PHKB: variants seen among roughly 807,000 people sequenced by gnomAD.
The protein encoded by PHKB is phosphorylase kinase regulatory subunit beta.
Under a neutral mutation model 152.1 loss-of-function variants are expected in PHKB, and 122 were observed. The ratio of observed to expected loss-of-function variants is 0.80; its 90% CI spans 0.69 to 0.93. The LOEUF is 0.93. Among genes scored for constraint, PHKB ranks in the 40% least tolerant of loss-of-function variants. The pLI, the probability that PHKB is intolerant of heterozygous loss-of-function variation, is 0.00. For synonymous variants in PHKB, 436 were observed against 464.9 expected (o/e 0.94, Z 0.80); for missense variants, 1,304 against 1,328.4 (o/e 0.98, Z 0.29).
chr16:47,631,115 T>C (rs961094515), intron 14 of PHKB, among the ~76,000 whole-genome samples: 2 of 152,188 alleles, frequency 1.3e-5, no homozygotes, highest in Admixed American at 1.3e-4. Context: ...CCAATCCATA[T>C]GATAAATCTC....
At chr16:47,529,970 T>G (rs1338596265) in intron 6 of PHKB, 2 of 152,114 alleles carry the variant, frequency 1.3e-5, no homozygotes, top group Admixed American at 1.3e-4. Context: ...TAAAACATAT[T>G]TGGCAAAGAA....
chr16:47,664,938 C>T lies in PHKB; in HGVS notation c.2390C>T (p.Ala797Val), dbSNP rs770258511. Residue 797 changes from alanine to valine, a missense_variant, in exon 25 of 31, where the codon GCC becomes GTC. By Grantham distance (64) the Ala-to-Val change is moderately conservative. Coordinates refer to ENST00000323584, the MANE Select transcript of PHKB (RefSeq NM_000293.3). ...AFTQKFSSSI[A>V]PHITTFLVHG... ...ACCCAGAAATTTTCTTCCTCTATAGCCCCACACATTACTACTTTTCTGGTA... is the reference window on the plus strand; with the variant it reads ...ACCCAGAAATTTTCTTCCTCTATAGTCCCACACATTACTACTTTTCTGGTA... 1.1e-5 allele frequency: 18 copies of T among 1,613,326 alleles called. No homozygotes were observed. The highest frequency in any genetic ancestry group is 1.4e-5 in the Non-Finnish European group (16 of 1,179,356).
Position 47,515,563 on chromosome 16 carries a change from AT to A in PHKB, c.559del (p.Ser187ProfsTer55), listed in dbSNP as rs776004466. 6.6e-7 allele frequency: 1 copy of A among 1,507,764 alleles called. No individual in the cohort carries two copies. The highest frequency in any genetic ancestry group is 1.1e-5 in the South Asian group (1 of 88,840). 93.4% of individuals were successfully genotyped at this position (1,507,764 alleles called of 1,614,324 possible). On this transcript the variant is annotated frameshift_variant, in exon 6 of 31. Coordinates refer to ENST00000323584, the MANE Select transcript of PHKB (RefSeq NM_000293.3). LOFTEE classifies it high-confidence loss of function. ...SLYLLYLVEM[I>X]SSGLQIIYNT... ...TTATCTCCTTTACCTTGTGGAAATG[AT>A]TTCCTCAGGACTCCAGATTATCTAC...
At chr16:47,539,034 A>G (rs1387785416) in intron 6 of PHKB, among the ~76,000 whole-genome samples, 1 of 152,222 alleles carries the variant, frequency 6.6e-6, no homozygotes, top group Non-Finnish European at 1.5e-5. Context: ...ACTAAATTTC[A>G]AACCCTGTAA....
intron 26 of PHKB, among the ~76,000 whole-genome samples, chr16:47,684,401 T>C (rs1471001899): frequency 1.3e-5 from 2 of 152,232 alleles, no homozygotes; most frequent in East Asian, 1.9e-4. Context: ...TTTCATATTG[T>C]ACTCCTTAAT....
intron 25 of PHKB, chr16:47,665,966 T>C: frequency 6.2e-7 from 1 of 1,613,996 alleles, no homozygotes; most frequent in South Asian, 1.1e-5. Context: ...GTGCAGCAAG[T>C]CTTTTAAGTA....
chr16:47,539,822 G>A (rs1971020006), intron 6 of PHKB, among the ~76,000 whole-genome samples: 1 of 152,082 alleles, frequency 6.6e-6, no homozygotes, highest in Admixed American at 6.6e-5. Flanking sequence ...GTCTTTGTAA[G>A]CTGAGGACGT....
chr16:47,584,203 T>G lies in PHKB; in HGVS notation c.775-3465T>G, dbSNP rs114758141. On this transcript the variant is annotated intron_variant, in intron 8 of 30. Coordinates refer to ENST00000323584, the MANE Select transcript of PHKB (RefSeq NM_000293.3). ...AAGCCAATTTGGGGCAGAGCTACAT[T>G]TAGAAACATATATAATCCTCAATAT... is the stretch of plus-strand genomic sequence containing the variant. Among the ~76,000 whole-genome samples, 180 of 152,220 alleles carry G rather than the reference T, an allele frequency of 1.2e-3. 1 individual carries two copies. The highest frequency in any genetic ancestry group is 4.2e-3 in the African/African-American group (174 of 41,566).
intron 6 of PHKB, among the ~76,000 whole-genome samples, chr16:47,545,270 T>C (rs1971139446): frequency 6.6e-6 from 1 of 152,226 alleles, no homozygotes; most frequent in South Asian, 2.1e-4. Context: ...CTTCAGGAGC[T>C]CTTGTAAGGC....
chr16:47,517,485 G>C (rs1970618063), intron 6 of PHKB, among the ~76,000 whole-genome samples: 1 of 151,942 alleles, frequency 6.6e-6, no homozygotes, highest in Non-Finnish European at 1.5e-5. Flanking sequence ...TCGATCTCCT[G>C]GGCTCAAGCA....
intron 5 of PHKB, among the ~76,000 whole-genome samples, chr16:47,514,197 G>A (rs973634809): frequency 1.3e-5 from 2 of 150,012 alleles, no homozygotes; most frequent in African/African-American, 2.4e-5. Context: ...CTAATAGGTG[G>A]AGGAGAGGAG....
chr16:47,626,745 A>AT (rs1233548189), intron 14 of PHKB, among the ~76,000 whole-genome samples: 2 of 152,144 alleles, frequency 1.3e-5, no homozygotes, highest in Non-Finnish European at 2.9e-5. Context: ...GTGGATTATG[A>AT]TTTTATCAAG....
At chr16:47,535,620 T>G (rs1222059888) in intron 6 of PHKB, among the ~76,000 whole-genome samples, 1 of 152,200 alleles carries the variant, frequency 6.6e-6, no homozygotes, top group Non-Finnish European at 1.5e-5. Context: ...TTATACAATA[T>G]AAGTCCCGCT....
chr16:47,516,084 C>T (rs537924239), intron 6 of PHKB, among the ~76,000 whole-genome samples: 8 of 152,130 alleles, frequency 5.3e-5, no homozygotes, highest in East Asian at 3.9e-4. Context: ...TGTGCCACTA[C>T]GCCTGGCTAA....
At chr16:47,520,876 CATTT>C (rs1372318905) in intron 6 of PHKB, among the ~76,000 whole-genome samples, 2 of 152,080 alleles carry the variant, frequency 1.3e-5, no homozygotes, top group Non-Finnish European at 2.9e-5. Context: ...GATTAAGTCT[CATTT>C]ATCTAATTTT....
chr16:47,632,819 G>T (rs1451811968), intron 14 of PHKB, among the ~76,000 whole-genome samples: 1 of 152,174 alleles, frequency 6.6e-6, no homozygotes, highest in East Asian at 1.9e-4. Context: ...GCCCCCAGCT[G>T]CAAATATCCT....
intron 2 of PHKB, 89 bp from the exon 3 acceptor site, chr16:47,499,667 G>A: frequency 2.0e-6 from 3 of 1,480,166 alleles, no homozygotes; most frequent in South Asian, 1.1e-5. Flanking sequence ...GTCAGAAGTG[G>A]GATGAGGAAA....
chr16:47,594,963 C>T (rs1972092568), intron 12 of PHKB, among the ~76,000 whole-genome samples: 1 of 152,076 alleles, frequency 6.6e-6, no homozygotes, highest in South Asian at 2.1e-4. Flanking sequence ...AGAGTAAATA[C>T]TTAATATTAT....
chr16:47,610,861 G>A lies in PHKB; in HGVS notation c.1399G>A (p.Val467Ile). Reference protein sequence around the residue: ...ELISPKDIDPVQRYVPLKDQR... With the variant: ...ELISPKDIDPIQRYVPLKDQR... The stretch of plus-strand genomic sequence containing the variant: ...TATTAGTCCTAAAGACATTGATCCT[G>A]TCCAGCGCTATGTCCCACTAAAGGA... Residue 467 changes from valine to isoleucine, a missense_variant, in exon 14 of 31, where the codon GTC becomes ATC. Val to Ile is a conservative substitution (Grantham distance 29, BLOSUM62 3). Transcript: ENST00000323584. 1 of 1,609,230 alleles carries A rather than the reference G, an allele frequency of 6.2e-7. No individual in the cohort carries two copies. Among genetic ancestry groups the A allele is most frequent in the Non-Finnish European group, 8.5e-7 (1 of 1,175,732 alleles).
Sources: allele counts gnomAD v4.1 joint callset (sites outside exome capture counted in the v4.1 genomes callset), GRCh38; gene constraint gnomAD v4.1.1; transcripts MANE v1.5; gene names NCBI Gene and HGNC (gene_info 2026-07-23, HGNC 2026-07-21).